The following SGCZ variants were observed in gnomAD, a reference collection of about 807,000 sequenced individuals.
The protein encoded by SGCZ is sarcoglycan zeta.
In SGCZ, 40 loss-of-function variants were observed where a neutral mutation model predicts 41.3. The ratio of observed to expected loss-of-function variants is 0.97; its 90% confidence interval spans 0.75 to 1.26. SGCZ has a LOEUF of 1.26. Ranked by LOEUF, SGCZ falls within the 50% of genes most tolerant of loss-of-function variation. The probability of loss-of-function intolerance (pLI) is 0.00; values close to 1 mark genes in which losing one functional copy is unlikely to be tolerated. For synonymous variants in SGCZ, 206 were observed against 137.5 expected (o/e 1.50, Z -3.49); for missense variants, 552 against 369.8 (o/e 1.49, Z -4.04).
chr8:14,792,764 T>C (rs1450833884), intron 1 of SGCZ, among the ~76,000 whole-genome samples: 1 of 152,066 alleles, frequency 6.6e-6, no homozygotes, highest in Non-Finnish European at 1.5e-5. Context: ...CAGGGTTTTC[T>C]TTTTCTCTCA....
intron 3 of SGCZ, among the ~76,000 whole-genome samples, chr8:14,259,435 TGGTTTTA>T (rs1799576390): frequency 6.6e-6 from 1 of 151,218 alleles, no homozygotes; most frequent in Non-Finnish European, 1.5e-5. Context: ...AGGGTTTTTA[TGGTTTTA>T]GGTCGAACGT....
intron 2 of SGCZ, among the ~76,000 whole-genome samples, chr8:14,514,783 A>G (rs1032024339): frequency 5.0e-5 from 5 of 100,388 alleles, no homozygotes. Flanking sequence ...ATATATGTAA[A>G]TGTGTGTGTG....
At chr8:14,610,413 G>A (rs186165790) in intron 1 of SGCZ, among the ~76,000 whole-genome samples, 2 of 152,246 alleles carry the variant, frequency 1.3e-5, no homozygotes, top group Admixed American at 1.3e-4. Flanking sequence ...TCTTCTTTAA[G>A]CTTCCACATA....
At chr8:14,904,828 T>A (rs2130766344) in intron 1 of SGCZ, among the ~76,000 whole-genome samples, 1 of 152,102 alleles carries the variant, frequency 6.6e-6, no homozygotes, top group East Asian at 1.9e-4. Flanking sequence ...GTCACAGATT[T>A]TCTCTATAAT....
At chr8:14,401,178 C>A (rs191640712) in intron 2 of SGCZ, among the ~76,000 whole-genome samples, 62 of 152,112 alleles carry the variant, frequency 4.1e-4, no homozygotes, top group Non-Finnish European at 7.4e-4. Flanking sequence ...ACAGCATGTA[C>A]AATTTCTTAC....
chr8:15,055,359 T>C (rs2131000595), intron 1 of SGCZ, among the ~76,000 whole-genome samples: 1 of 152,350 alleles, frequency 6.6e-6, no homozygotes, highest in Non-Finnish European at 1.5e-5. Context: ...TTTATTCTTT[T>C]TGTTATCCTT....
At chr8:14,108,027 T>TAATA in intron 6 of SGCZ, 136 bp downstream of exon 6, 1 of 732,624 alleles carries the variant, frequency 1.4e-6, no homozygotes, top group Admixed American at 2.9e-5. Context: ...TCTTCCTATC[T>TAATA]AATATATTCA....
intron 1 of SGCZ, among the ~76,000 whole-genome samples, chr8:15,217,696 T>C (rs1162391778): frequency 6.6e-6 from 1 of 152,244 alleles, no homozygotes; most frequent in African/African-American, 2.4e-5. Flanking sequence ...AATATTAGCA[T>C]AGGCAAATGA....
chr8:14,951,443 A>T (rs1800634960), intron 1 of SGCZ, among the ~76,000 whole-genome samples: 1 of 152,060 alleles, frequency 6.6e-6, no homozygotes, highest in Admixed American at 6.6e-5. Flanking sequence ...CATACTGACC[A>T]TAATAACTTA....
chr8:14,690,601 A>C (rs1808769278), intron 1 of SGCZ: 2 of 152,176 alleles, frequency 1.3e-5, no homozygotes, highest in Admixed American at 1.3e-4. Context: ...CATTCAAGAA[A>C]AACTAGAGAC....
intron 1 of SGCZ, among the ~76,000 whole-genome samples, chr8:15,105,244 T>A (rs894698046): frequency 6.6e-6 from 1 of 152,196 alleles, no homozygotes; most frequent in African/African-American, 2.4e-5. Flanking sequence ...ATCAAATACG[T>A]TGCCAGTTTC....
intron 1 of SGCZ, among the ~76,000 whole-genome samples, chr8:14,591,868 C>A (rs531055706): frequency 6.6e-6 from 1 of 152,092 alleles, no homozygotes; most frequent in African/African-American, 2.4e-5. Context: ...GATTATAATT[C>A]CACTTTCCTG....
Position 14,654,242 on chromosome 8 carries a change from A to C in SGCZ, c.40-99316T>G, listed in dbSNP as rs1211822091. 2.6e-5 allele frequency among the ~76,000 whole-genome samples: 4 copies of C among 152,082 alleles called. No homozygotes were observed. In the East Asian group the frequency reaches 7.8e-4, roughly 30 times the overall value. ...AAATTATACAGAGAAATTAAAAAAA[A>C]AAAAGGATATCCATTGCATGGAATG... On this transcript the variant is annotated intron_variant, in intron 1 of 7. Coordinates refer to ENST00000382080, the MANE Select transcript of SGCZ (RefSeq NM_139167.4).
At chr8:14,443,702 A>C (rs1481159211) in intron 2 of SGCZ, among the ~76,000 whole-genome samples, 1 of 152,330 alleles carries the variant, frequency 6.6e-6, no homozygotes, top group Admixed American at 6.5e-5. Context: ...TAAAACCATA[A>C]AAATCCTAGA....
At chr8:14,598,589 C>T (rs926861583) in intron 1 of SGCZ, among the ~76,000 whole-genome samples, 1 of 151,622 alleles carries the variant, frequency 6.6e-6, no homozygotes, top group African/African-American at 2.4e-5. Context: ...TGCAGTGGTG[C>T]AATCGTCAGC....
chr8:14,685,486 A>G (rs138672329), intron 1 of SGCZ, among the ~76,000 whole-genome samples: 198 of 152,246 alleles, frequency 1.3e-3, no homozygotes, highest in African/African-American at 4.5e-3. Context: ...GCCCTTTTAT[A>G]TGACAATCTC....
At chr8:14,557,496 G>C (rs1371245212) in intron 1 of SGCZ, among the ~76,000 whole-genome samples, 2 of 151,882 alleles carry the variant, frequency 1.3e-5, no homozygotes, top group African/African-American at 2.4e-5. Flanking sequence ...TGAAATCCTT[G>C]CTTAAGTTAA....
chr8:15,126,367 T>C lies in SGCZ; in HGVS notation c.39+111218A>G, dbSNP rs565448350. 5.9e-5 allele frequency among the ~76,000 whole-genome samples: 9 copies of C among 152,298 alleles called. No individual in the cohort carries two copies. In the East Asian group the frequency reaches 1.4e-3, roughly 23 times the overall value. On this transcript the variant is annotated intron_variant, in intron 1 of 7. Transcript: ENST00000382080. ...ATACTAAACTCTACCCGTTATTCCATAGAAAAAGATTTTTTAAAATAAGCT... is the reference window on the plus strand; with the variant it reads ...ATACTAAACTCTACCCGTTATTCCACAGAAAAAGATTTTTTAAAATAAGCT...
intron 1 of SGCZ, among the ~76,000 whole-genome samples, chr8:14,643,362 G>C (rs1462558194): frequency 6.6e-6 from 1 of 151,460 alleles, no homozygotes; most frequent in Non-Finnish European, 1.5e-5. Context: ...TTGGATTCAT[G>C]AATATTATTG....
Sources: gnomAD v4.1 joint callset for allele counts (sites outside exome capture counted in the v4.1 genomes callset) on GRCh38, gnomAD v4.1.1 for gene constraint, MANE v1.5 for transcripts, NCBI Gene and HGNC (gene_info 2026-07-23, HGNC 2026-07-21) for gene names.